PHF20: variants seen among roughly 807,000 people sequenced by gnomAD.
The protein encoded by PHF20 is glioma-expressed antigen 2.
A neutral mutation model predicts 113.5 loss-of-function variants in PHF20; 23 were observed. That is an observed-to-expected ratio of 0.20 (90% confidence interval 0.15 to 0.29). The LOEUF (loss-of-function observed/expected upper bound fraction) is 0.29, where lower values mean the gene tolerates loss of function less well. Among genes scored for constraint, PHF20 ranks in the 10% least tolerant of loss-of-function variants. The pLI, the probability that PHF20 is intolerant of heterozygous loss-of-function variation, is 1.00. For synonymous variants in PHF20, 434 were observed against 457.3 expected (o/e 0.95, Z 0.65); for missense variants, 943 against 1,219.6 (o/e 0.77, Z 3.38).
At chr20:35,831,140 T>A (rs1433186649) in intron 2 of PHF20, among the ~76,000 whole-genome samples, 1 of 145,850 alleles carries the variant, frequency 6.9e-6, no homozygotes, top group South Asian at 2.1e-4. Flanking sequence ...TCCCTCCCTC[T>A]CTTCCTCCCT....
chr20:35,886,545 C>T (rs990314942), intron 9 of PHF20, among the ~76,000 whole-genome samples: 3 of 152,164 alleles, frequency 2.0e-5, no homozygotes, highest in Admixed American at 6.5e-5. Context: ...TATCAAACTG[C>T]TGGGCCACAT....
intron 17 of PHF20, 145 bp from the exon 18 acceptor site, chr20:35,947,339 CT>C: frequency 2.9e-6 from 2 of 698,184 alleles, no homozygotes; most frequent in South Asian, 2.4e-5. Flanking sequence ...TGAAATGGCC[CT>C]TCCTCCCTTG....
At chr20:35,917,411 T>C in intron 12 of PHF20, 73 bp from the exon 13 acceptor site, 2 of 1,314,786 alleles carry the variant, frequency 1.5e-6, no homozygotes, top group Non-Finnish European at 1.1e-6. Flanking sequence ...ATGTCATTTT[T>C]CATTCTTGAC....
At chr20:35,847,324 C>CT (rs143955363) in intron 3 of PHF20, 26 bp from the exon 4 acceptor site, 108,437 of 1,106,996 alleles carry the variant, frequency 0.098, 2 homozygotes, top group Non-Finnish European at 0.11. Flanking sequence ...GTAACAGGAT[C>CT]TTTTTTTTTT....
At chr20:35,805,483 C>T (rs59564045) in intron 2 of PHF20, among the ~76,000 whole-genome samples, 7,235 of 150,888 alleles carry the variant, frequency 0.048, 215 homozygotes, top group African/African-American at 0.089. Context: ...CCCGGGTTCA[C>T]GCCATTCTCC....
rs192952987 is a variant in PHF20 at position 35,780,311 on chromosome 20, C to T, written c.-33+8232C>T. ...CACAATCTCAGCTCACTGCAAGCTC[C>T]GCCTCCCGGGTTTACGCCATTCTCC... is the stretch of plus-strand genomic sequence containing the variant. On this transcript the variant is annotated intron_variant, in intron 1 of 17. Coordinates refer to ENST00000374012, the MANE Select transcript of PHF20 (RefSeq NM_016436.5). Among the ~76,000 whole-genome samples, 820 of 150,224 alleles carry T rather than the reference C, an allele frequency of 5.5e-3. 8 individuals carry two copies. Among genetic ancestry groups the T allele is most frequent in the Admixed American group, 9.4e-3 (142 of 15,044 alleles).
intron 5 of PHF20, among the ~76,000 whole-genome samples, chr20:35,861,918 G>T (rs6060642): frequency 0.1 from 15,257 of 152,146 alleles, 815 homozygotes; most frequent in South Asian, 0.16. Context: ...TGTGTGCTAG[G>T]TGCTGGGCAT....
At position 35,941,062 on chromosome 20, in the gene PHF20, T is replaced by A; in HGVS notation, c.2896+15T>A. ...GGAGTTGGATGGTAGGGCTCCTTCA[T>A]TGGCCCCCTGTGCATTGGCATGCAG... On this transcript the variant is annotated intron_variant, in intron 17 of 17. Coordinates refer to ENST00000374012, the MANE Select transcript of PHF20 (RefSeq NM_016436.5). The A allele has an allele frequency of 1.9e-6, 3 of 1,607,338 alleles. No individual in the cohort carries two copies. The highest frequency in any genetic ancestry group is 2.2e-5 in the East Asian group (1 of 44,768).
intron 9 of PHF20, among the ~76,000 whole-genome samples, chr20:35,895,102 C>T (rs1381894375): frequency 6.6e-6 from 1 of 152,138 alleles, no homozygotes; most frequent in Non-Finnish European, 1.5e-5. Flanking sequence ...TGACCCACTG[C>T]AACCTCTGCC....
intron 4 of PHF20, among the ~76,000 whole-genome samples, chr20:35,851,099 T>C (rs1369105154): frequency 6.6e-6 from 1 of 152,212 alleles, no homozygotes; most frequent in Non-Finnish European, 1.5e-5. Flanking sequence ...GTCAGTTGTC[T>C]GTCAGGGCTT....
intron 4 of PHF20, among the ~76,000 whole-genome samples, chr20:35,852,280 C>T (rs2042746310): frequency 6.6e-6 from 1 of 152,138 alleles, no homozygotes; most frequent in Non-Finnish European, 1.5e-5. Context: ...CAGGTGTTCA[C>T]TGATAGAATG....
rs561495764 is a variant in PHF20 at position 35,947,552 on chromosome 20, G to A, written c.2964G>A (p.Gln988=). Residue 988 remains glutamine (Q), a synonymous_variant, in exon 18 of 18, where the codon CAG becomes CAA. Transcript: ENST00000374012. ...CTGAGCCGCTGGCCAGGCTTCCGCAGCTCAAGCATTGTATCAAGCAGCTGC... is the reference window on the plus strand; with the variant it reads ...CTGAGCCGCTGGCCAGGCTTCCGCAACTCAAGCATTGTATCAAGCAGCTGC... ...EPPEPLARLP[Q]LKHCIKQLLM... is the part of the protein sequence containing the mutation. 1 of 1,614,146 alleles carries A rather than the reference G, an allele frequency of 6.2e-7. No homozygotes were observed. The highest frequency in any genetic ancestry group is 2.2e-5 in the East Asian group (1 of 44,882).
At chr20:35,789,207 G>T (rs2041486918) in intron 1 of PHF20, among the ~76,000 whole-genome samples, 1 of 151,990 alleles carries the variant, frequency 6.6e-6, no homozygotes, top group Non-Finnish European at 1.5e-5. Context: ...CAGATCACCT[G>T]GTCAGGAGTT....
At chr20:35,850,803 C>T in intron 4 of PHF20, 1 of 870,862 alleles carries the variant, frequency 1.1e-6, no homozygotes, top group Admixed American at 1.8e-5. Context: ...TACAGTATTA[C>T]CATATTTGTT....
At chr20:35,914,552 G>A (rs754753508) in intron 12 of PHF20, among the ~76,000 whole-genome samples, 4 of 152,110 alleles carry the variant, frequency 2.6e-5, no homozygotes, top group East Asian at 3.9e-4. Flanking sequence ...CAAACTAAAC[G>A]ATTAATAGAA....
chr20:35,803,496 T>C (rs1309248551), intron 2 of PHF20, among the ~76,000 whole-genome samples: 6 of 151,382 alleles, frequency 4.0e-5, no homozygotes, highest in Non-Finnish European at 8.8e-5. Flanking sequence ...GCCAATTTTT[T>C]GTATTTTTAG....
intron 1 of PHF20, among the ~76,000 whole-genome samples, chr20:35,793,174 C>T (rs2041591689): frequency 6.6e-6 from 1 of 152,120 alleles, no homozygotes. Context: ...GTGGGGAAAG[C>T]TCCTTTCTGC....
intron 15 of PHF20, among the ~76,000 whole-genome samples, chr20:35,932,722 C>T (rs964479239): frequency 1.3e-5 from 2 of 152,192 alleles, no homozygotes; most frequent in Non-Finnish European, 2.9e-5. Context: ...TGAGCCACTG[C>T]ACCCGGCCCC....
Position 35,869,511 on chromosome 20 carries a change from T to C in PHF20, c.882T>C (p.Cys294=), listed in dbSNP as rs769679425. ...GAAGAAGGAAAATATCAAAAGGATG[T>C]GAAGTCCCATTAAAACGTCCTCGGC... ...ELRRRKISKG[C]EVPLKRPRLD... Residue 294 remains cysteine (C), a synonymous_variant, in exon 7 of 18, where the codon TGT becomes TGC. Transcript: ENST00000374012. 3.7e-6 allele frequency: 6 copies of C among 1,610,722 alleles called. No homozygotes were observed. The African/African-American group carries it at 4.0e-5, about 11-fold the overall frequency.
Sources: gnomAD v4.1 joint callset for allele counts (sites outside exome capture counted in the v4.1 genomes callset) on GRCh38, gnomAD v4.1.1 for gene constraint, MANE v1.5 for transcripts, NCBI Gene and HGNC (gene_info 2026-07-23, HGNC 2026-07-21) for gene names.